USP48: variants seen among roughly 807,000 people sequenced by gnomAD.
USP48 encodes ubiquitin carboxyl-terminal hydrolase 48.
Under a neutral mutation model 150.7 loss-of-function variants are expected in USP48, and 43 were observed. The observed-to-expected ratio is 0.29, with a 90% CI of 0.22 to 0.37. USP48 has a LOEUF of 0.37. USP48 is among the 10% of genes least tolerant of loss of function. The pLI is 1.00. For missense variants in USP48, 813 were observed against 1,249.6 expected (o/e 0.65, Z 5.27); for synonymous variants, 396 against 425.9 (o/e 0.93, Z 0.86).
At chr1:21,686,861 T>G (rs762780000) in intron 25 of USP48, 19 of 276,744 alleles carry the variant, frequency 6.9e-5, no homozygotes, top group African/African-American at 1.1e-4. Flanking sequence ...AGGCTCACAA[T>G]TCATTCCCAC....
intron 11 of USP48, chr1:21,724,793 T>G (rs1461303306): frequency 6.6e-6 from 1 of 152,182 alleles, no homozygotes; most frequent in Non-Finnish European, 1.5e-5. Context: ...ATTTTGAAGT[T>G]GCAAAAATTA....
chr1:21,733,884 T>C (rs762877290), intron 9 of USP48, among the ~76,000 whole-genome samples: 1 of 152,048 alleles, frequency 6.6e-6, no homozygotes, highest in Non-Finnish European at 1.5e-5. Flanking sequence ...CTTGATCTCC[T>C]GGGCTCAAGC....
At chr1:21,734,569 T>C (rs1483326151) in intron 9 of USP48, among the ~76,000 whole-genome samples, 2 of 152,218 alleles carry the variant, frequency 1.3e-5, no homozygotes, top group Non-Finnish European at 2.9e-5. Flanking sequence ...TGAATAAATG[T>C]CTCTGACCTA....
intron 8 of USP48, among the ~76,000 whole-genome samples, chr1:21,743,831 T>C (rs1050226915): frequency 2.6e-5 from 4 of 152,010 alleles, no homozygotes; most frequent in Admixed American, 2.6e-4. Context: ...TATTTCAAAA[T>C]TTAAAAAGAA....
intron 14 of USP48, among the ~76,000 whole-genome samples, chr1:21,719,507 TG>T (rs1030875290): frequency 6.6e-6 from 1 of 152,132 alleles, no homozygotes; most frequent in Non-Finnish European, 1.5e-5. Flanking sequence ...CCCAGCACTT[TG>T]GGAAGCCAAG....
At chr1:21,758,350 G>A (rs899111372) in intron 1 of USP48, among the ~76,000 whole-genome samples, 2 of 152,000 alleles carry the variant, frequency 1.3e-5, no homozygotes, top group Admixed American at 1.3e-4. Flanking sequence ...AATATATAAG[G>A]AAAATATACA....
intron 15 of USP48, among the ~76,000 whole-genome samples, chr1:21,708,897 AAAAAAGAAAGAAAAG>A (rs2097681762): frequency 9.0e-6 from 1 of 111,312 alleles, no homozygotes; most frequent in African/African-American, 2.9e-5. Context: ...AAAAAAAAAA[AAAAAAGAAAGAAAAG>A]AAAAGAAAAG....
At chr1:21,703,658 A>C in intron 20 of USP48, 40 bp from the exon 21 acceptor site, 1 of 1,411,218 alleles carries the variant, frequency 7.1e-7, no homozygotes, top group Non-Finnish European at 9.8e-7. Context: ...GAAGTGGCTG[A>C]GGAATCATTG....
intron 1 of USP48, among the ~76,000 whole-genome samples, chr1:21,782,200 T>A (rs1557636810): frequency 6.6e-6 from 1 of 151,058 alleles, no homozygotes; most frequent in East Asian, 1.9e-4. Flanking sequence ...TATGAGGGGG[T>A]TAAGGAAAGG....
rs190023719 is a variant in USP48, at chr1:21,736,549, G to C, written c.1068C>G (p.Ala356=). 1 of 1,596,496 alleles carries C rather than the reference G, an allele frequency of 6.3e-7. No individual in the cohort carries two copies. Among genetic ancestry groups the C allele is most frequent in the East Asian group, 2.3e-5 (1 of 44,132 alleles). The change falls in exon 9 of 27, where the codon GCC becomes GCG. Residue 356 remains alanine (A), a synonymous_variant. Coordinates refer to ENST00000308271, the MANE Select transcript of USP48 (RefSeq NM_032236.8). The stretch of plus-strand genomic sequence containing the variant: ...CACCAGACTGTGGATCTTTCACGTG[G>C]GCGATGTAGTGGCCAGAATAAGCAC... ...GVSAYSGHYI[A]HVKDPQSGEW...
intron 6 of USP48, 144 bp from the exon 7 acceptor site, chr1:21,748,415 C>T: frequency 4.2e-6 from 3 of 720,850 alleles, no homozygotes; most frequent in Non-Finnish European, 6.6e-6. Context: ...ATAATGGACA[C>T]ACAAAAGTAA....
chr1:21,709,629 T>C (rs1317346766), intron 15 of USP48, among the ~76,000 whole-genome samples: 2 of 151,322 alleles, frequency 1.3e-5, no homozygotes, highest in African/African-American at 2.4e-5. Context: ...TATAACCCCA[T>C]GTGGTTATGA....
At chr1:21,761,910 G>A (rs1361396145) in intron 1 of USP48, among the ~76,000 whole-genome samples, 1 of 152,214 alleles carries the variant, frequency 6.6e-6, no homozygotes, top group Non-Finnish European at 1.5e-5. Context: ...GAAGAAGCTA[G>A]GGTTTTGTTT....
chr1:21,681,164 C>T (rs898707965), intron 25 of USP48: 2 of 194,730 alleles, frequency 1.0e-5, no homozygotes, highest in African/African-American at 4.7e-5. Flanking sequence ...TCCCCTTCCT[C>T]CTCCCATTCC....
chr1:21,766,018 T>C (rs189690379), intron 1 of USP48, among the ~76,000 whole-genome samples: 1 of 149,330 alleles, frequency 6.7e-6, no homozygotes, highest in Non-Finnish European at 1.5e-5. Flanking sequence ...ACTAATAAGA[T>C]GCAACAGGCA....
chr1:21,713,884 T>C (rs1034752224), intron 15 of USP48, among the ~76,000 whole-genome samples: 39 of 152,144 alleles, frequency 2.6e-4, no homozygotes, highest in African/African-American at 8.7e-4. Context: ...ACAGAGGAAC[T>C]TGGGACTCAC....
intron 1 of USP48, among the ~76,000 whole-genome samples, chr1:21,773,672 T>C (rs1051495775): frequency 1.3e-5 from 2 of 152,290 alleles, no homozygotes; most frequent in Admixed American, 1.3e-4. Flanking sequence ...ACTTTTGACA[T>C]CTATCAAAAT....
intron 23 of USP48, 142 bp downstream of exon 23, chr1:21,694,924 A>G: frequency 1.0e-6 from 1 of 955,366 alleles, no homozygotes; most frequent in South Asian, 2.7e-5. Context: ...ATCTTCACAA[A>G]AAGATTTTTG....
chr1:21,776,592 C>CAAAAAAAAAA (rs59309344), intron 1 of USP48, among the ~76,000 whole-genome samples: 5 of 57,988 alleles, frequency 8.6e-5, no homozygotes, highest in African/African-American at 1.4e-4. Flanking sequence ...TGTCTTGTCT[C>CAAAAAAAAAA]AAAAAAAAAA....
Sources: gnomAD v4.1 joint callset for allele counts (sites outside exome capture counted in the v4.1 genomes callset) on GRCh38, gnomAD v4.1.1 for gene constraint, MANE v1.5 for transcripts, NCBI Gene and HGNC (gene_info 2026-07-23, HGNC 2026-07-21) for gene names.